Variants in UBR3 observed in about 807,000 individuals in gnomAD.
The protein encoded by UBR3 is ubiquitin protein ligase E3 component n-recognin 3.
In UBR3, 85 loss-of-function variants were observed where a neutral mutation model predicts 243.2. The observed-to-expected ratio is 0.35, with a 90% confidence interval of 0.29 to 0.42. The LOEUF (loss-of-function observed/expected upper bound fraction) is 0.42. Among genes scored for constraint, UBR3 ranks in the 10% least tolerant of loss-of-function variants. The probability of loss-of-function intolerance (pLI) is 1.00; values close to 1 mark genes in which losing one functional copy is unlikely to be tolerated. For missense variants in UBR3, 1,686 were observed against 2,300.8 expected (o/e 0.73, Z 5.47); for synonymous variants, 748 against 799.8 (o/e 0.94, Z 1.09).
At chr2:169,964,599 A>G (rs1409705080) in intron 24 of UBR3, 1 of 384,336 alleles carries the variant, frequency 2.6e-6, no homozygotes, top group Non-Finnish European at 5.3e-6. Flanking sequence ...TGATTGCTTT[A>G]GTTTTCAGGG....
chr2:169,974,695 A>C (rs2088341372), intron 24 of UBR3, among the ~76,000 whole-genome samples: 1 of 151,956 alleles, frequency 6.6e-6, no homozygotes, highest in Non-Finnish European at 1.5e-5. Flanking sequence ...TCCTCTTGCT[A>C]ATTTTAAGTT....
intron 36 of UBR3, chr2:170,077,344 G>T: frequency 1.1e-6 from 1 of 894,384 alleles, no homozygotes; most frequent in Non-Finnish European, 1.9e-6. Flanking sequence ...ATTCACCTCA[G>T]TAACAGTACC....
chr2:169,852,366 G>T (rs1380354993), intron 1 of UBR3, among the ~76,000 whole-genome samples: 1 of 152,168 alleles, frequency 6.6e-6, no homozygotes, highest in Non-Finnish European at 1.5e-5. Flanking sequence ...CTTTTGGAAC[G>T]TGAGGTTGGC....
intron 30 of UBR3, among the ~76,000 whole-genome samples, chr2:170,026,215 A>T (rs1413014422): frequency 1.3e-5 from 2 of 151,990 alleles, no homozygotes; most frequent in Non-Finnish European, 1.5e-5. Flanking sequence ...AGGAAAGAAG[A>T]GAGAAGAGAG....
chr2:169,945,238 C>G (rs73015792), intron 20 of UBR3, among the ~76,000 whole-genome samples: 6,605 of 151,652 alleles, frequency 0.044, 162 homozygotes, highest in Middle Eastern at 0.068. Context: ...AGACCAGAGT[C>G]TGTTGCTGAA....
chr2:169,911,613 T>C (rs888430907), intron 10 of UBR3, among the ~76,000 whole-genome samples: 4 of 152,078 alleles, frequency 2.6e-5, no homozygotes, highest in African/African-American at 9.7e-5. Flanking sequence ...TATGCTGTAT[T>C]TGTGAATGGA....
intron 26 of UBR3, among the ~76,000 whole-genome samples, chr2:169,998,259 G>A (rs1004209414): frequency 9.9e-5 from 15 of 152,172 alleles, no homozygotes; most frequent in African/African-American, 2.9e-4. Flanking sequence ...TTTGAGGGAA[G>A]AGACGATCTA....
chr2:169,882,396 A>G (rs1346338127), intron 5 of UBR3, among the ~76,000 whole-genome samples: 1 of 143,166 alleles, frequency 7.0e-6, no homozygotes, highest in East Asian at 2.0e-4. Flanking sequence ...AAAAATATAT[A>G]TATATAAAAT....
In UBR3 at chr2:169,986,809, AT is replaced by A. The variant is rs1339823234; in HGVS notation, c.3784+21del. On this transcript the variant is annotated intron_variant, in intron 25 of 38. Transcript: ENST00000272793. ...AGCATCCTCAGGTAAAATCAAAGTA[AT>A]TTTTTCATGGGAACATTTTAGAGCT... is the stretch of plus-strand genomic sequence containing the variant. The A allele has an allele frequency of 1.6e-5, 26 of 1,613,030 alleles. No homozygotes were observed. The highest frequency in any genetic ancestry group is 2.2e-5 in the Non-Finnish European group (26 of 1,179,686).
intron 24 of UBR3, among the ~76,000 whole-genome samples, chr2:169,966,454 T>A (rs1004386342): frequency 1.3e-5 from 2 of 152,216 alleles, no homozygotes; most frequent in African/African-American, 4.8e-5. Context: ...CCAAATAACA[T>A]GTACACTACT....
intron 27 of UBR3, among the ~76,000 whole-genome samples, chr2:170,001,661 C>T (rs560398465): frequency 1.3e-5 from 2 of 152,020 alleles, no homozygotes; most frequent in South Asian, 2.1e-4. Flanking sequence ...TGTGGGAGGC[C>T]GAGATGGGCA....
chr2:170,067,370 TA>T (rs925580863), intron 35 of UBR3, among the ~76,000 whole-genome samples: 5 of 152,144 alleles, frequency 3.3e-5, no homozygotes, highest in Non-Finnish European at 7.4e-5. Context: ...CCAAATTATA[TA>T]AACAAATGAC....
intron 6 of UBR3, among the ~76,000 whole-genome samples, chr2:169,892,689 C>T (rs1273433697): frequency 6.6e-6 from 1 of 152,132 alleles, no homozygotes; most frequent in Non-Finnish European, 1.5e-5. Context: ...TTGAAGATAT[C>T]TGAAGTTTGG....
rs755807361 is a variant in UBR3, at chr2:169,947,545, T to C, written c.2914T>C (p.Ser972Pro). 2 of 1,476,092 alleles carry C rather than the reference T, an allele frequency of 1.4e-6. No individual in the cohort carries two copies. Among genetic ancestry groups the C allele is most frequent in the East Asian group, 2.6e-5 (1 of 38,760 alleles). 91.4% of individuals were successfully genotyped at this position (1,476,092 alleles called of 1,614,324 possible). The change falls in exon 22 of 39, where the codon TCA (serine) becomes CCA (proline). Residue 972 changes from serine (S) to proline (P), a missense_variant. Physicochemically the swap from Ser to Pro is moderately conservative, Grantham distance 74. Transcript: ENST00000272793. ...TTCATTTTTTTTTTTATTTTAGGCA[T>C]CAGTGGGTGGACCAGAACGTTGTCA... is the stretch of plus-strand genomic sequence containing the variant. ...SAEEESDEEA[S>P]VGGPERCHDS...
intron 21 of UBR3, among the ~76,000 whole-genome samples, chr2:169,946,764 A>C (rs1274894123): frequency 1.3e-5 from 2 of 152,128 alleles, no homozygotes; most frequent in Non-Finnish European, 2.9e-5. Context: ...AATTACCAGT[A>C]ATCAATAAAT....
chr2:169,836,065 ATATTTTTTTTTT>A (rs1487064252), intron 1 of UBR3, among the ~76,000 whole-genome samples: 53 of 27,936 alleles, frequency 1.9e-3, no homozygotes, highest in Non-Finnish European at 2.5e-3. Context: ...ATATATATAT[ATATTTTTTTTTT>A]TTTTTTTTTT....
chr2:170,080,865 A>T (rs1378582481), intron 38 of UBR3, among the ~76,000 whole-genome samples, 181 bp downstream of exon 38: 2 of 152,172 alleles, frequency 1.3e-5, no homozygotes, highest in Admixed American at 6.5e-5. Flanking sequence ...GGAAACATGA[A>T]ATACACCAAA....
intron 8 of UBR3, among the ~76,000 whole-genome samples, chr2:169,904,238 T>C (rs540445784): frequency 2.6e-5 from 4 of 152,324 alleles, no homozygotes; most frequent in African/African-American, 9.6e-5. Context: ...ATACTTTTGA[T>C]CTAAATTGTG....
chr2:169,971,171 T>G (rs1328739348), intron 24 of UBR3, among the ~76,000 whole-genome samples: 1 of 151,380 alleles, frequency 6.6e-6, no homozygotes, highest in Non-Finnish European at 1.5e-5. Flanking sequence ...TTGATGGGGT[T>G]GTTTGTTTTT....
Sources: gnomAD v4.1 joint callset for allele counts (sites outside exome capture counted in the v4.1 genomes callset) on GRCh38, gnomAD v4.1.1 for gene constraint, MANE v1.5 for transcripts, NCBI Gene and HGNC (gene_info 2026-07-23, HGNC 2026-07-21) for gene names.